The following COL19A1 variants were observed in gnomAD, a reference collection of about 807,000 sequenced individuals.
COL19A1 encodes collagen alpha-1(XIX) chain.
COL19A1 carries 159 observed loss-of-function variants against 190.2 expected under a neutral mutation model. That is an observed-to-expected ratio of 0.84 (90% CI 0.73 to 0.95). The LOEUF (loss-of-function observed/expected upper bound fraction) is 0.95, where lower values mean the gene tolerates loss of function less well. Among genes scored for constraint, COL19A1 ranks in the 40% least tolerant of loss-of-function variants. The pLI is 0.00. For synonymous variants in COL19A1, 509 were observed against 458.9 expected (o/e 1.11, Z -1.39); for missense variants, 1,418 against 1,431.9 (o/e 0.99, Z 0.16).
intron 4 of COL19A1, among the ~76,000 whole-genome samples, chr6:69,916,220 G>A (rs1461021262): frequency 1.3e-5 from 2 of 152,170 alleles, no homozygotes; most frequent in Non-Finnish European, 2.9e-5. Context: ...ACAGGCGGGA[G>A]CCACCGCGCC....
chr6:70,207,360 GTTGCT>G lies in COL19A1; in HGVS notation c.*89_*93del. ...ACCGTCAAACCCTCATCATCTGTGG[GTTGCT>G]TTTTTTTTTTTTTTTTTTTTTTGGG... On this transcript the variant is annotated 3_prime_UTR_variant, in exon 51 of 51. Coordinates refer to ENST00000620364, the MANE Select transcript of COL19A1 (RefSeq NM_001858.6). The G allele has an allele frequency of 1.3e-6, 1 of 759,216 alleles. No homozygotes were observed. Among genetic ancestry groups the G allele is most frequent in the Admixed American group, 3.9e-5 (1 of 25,322 alleles). 47.0% of individuals were successfully genotyped at this position (759,216 alleles called of 1,614,324 possible).
At chr6:70,092,600 T>A (rs1293872391) in intron 15 of COL19A1, among the ~76,000 whole-genome samples, 1 of 152,066 alleles carries the variant, frequency 6.6e-6, no homozygotes, top group Non-Finnish European at 1.5e-5. Context: ...ATAAGGAAAA[T>A]TTTTCCATTT....
intron 1 of COL19A1, among the ~76,000 whole-genome samples, 191 bp from the exon 2 acceptor site, chr6:69,879,345 C>A (rs1768347355): frequency 6.6e-6 from 1 of 152,106 alleles, no homozygotes; most frequent in African/African-American, 2.4e-5. Context: ...ATCTGAAAAT[C>A]TTTTCAGAGC....
chr6:70,154,655 C>A (rs1304295334), intron 31 of COL19A1, among the ~76,000 whole-genome samples: 1 of 152,144 alleles, frequency 6.6e-6, no homozygotes, highest in African/African-American at 2.4e-5. Context: ...AGTCGAAGAG[C>A]AAGGAAGCCA....
chr6:69,891,616 G>A (rs778162709), intron 2 of COL19A1, among the ~76,000 whole-genome samples: 44 of 152,144 alleles, frequency 2.9e-4, no homozygotes, highest in Non-Finnish European at 5.0e-4. Context: ...AAGTCACAGC[G>A]ACCTTGGCAG....
chr6:69,910,041 T>A (rs1485045988), intron 4 of COL19A1, among the ~76,000 whole-genome samples: 3 of 152,100 alleles, frequency 2.0e-5, no homozygotes, highest in African/African-American at 7.2e-5. Flanking sequence ...ATTGGTATGA[T>A]CTTAAGTTTA....
At chr6:69,927,333 A>G (rs1258482874) in intron 4 of COL19A1, among the ~76,000 whole-genome samples, 2 of 152,228 alleles carry the variant, frequency 1.3e-5, no homozygotes, top group Non-Finnish European at 2.9e-5. Flanking sequence ...AATATAAAAT[A>G]TAAAGATGTG....
chr6:70,184,949 T>C (rs1766414195), intron 46 of COL19A1, 34 bp downstream of exon 46: 3 of 1,594,224 alleles, frequency 1.9e-6, no homozygotes, highest in Non-Finnish European at 2.6e-6. Context: ...GTTATTCAAG[T>C]CTGTCTGTTA....
At chr6:69,940,142 C>T (rs544318030) in intron 9 of COL19A1, among the ~76,000 whole-genome samples, 1 of 152,068 alleles carries the variant, frequency 6.6e-6, no homozygotes, top group East Asian at 1.9e-4. Flanking sequence ...GTTAAATCTA[C>T]TTTAAATTCT....
intron 15 of COL19A1, among the ~76,000 whole-genome samples, chr6:70,090,895 G>A (rs1044065012): frequency 3.3e-5 from 5 of 152,042 alleles, no homozygotes; most frequent in Admixed American, 3.3e-4. Context: ...TCTATTCCTT[G>A]AAGAATTTGT....
intron 4 of COL19A1, among the ~76,000 whole-genome samples, chr6:69,920,306 G>A (rs534432001): frequency 7.9e-5 from 12 of 152,186 alleles, no homozygotes; most frequent in Non-Finnish European, 1.8e-4. Context: ...TGATCCCCTG[G>A]TCACTTCCCC....
At chr6:70,053,175 T>C (rs1232795657) in intron 14 of COL19A1, among the ~76,000 whole-genome samples, 1 of 152,216 alleles carries the variant, frequency 6.6e-6, no homozygotes, top group Non-Finnish European at 1.5e-5. Flanking sequence ...TACTTACTAT[T>C]ATTTGCTTGT....
intron 49 of COL19A1, among the ~76,000 whole-genome samples, chr6:70,202,421 T>G (rs1319457555): frequency 1.3e-5 from 2 of 152,224 alleles, no homozygotes; most frequent in African/African-American, 4.8e-5. Context: ...CAAAAGTTGC[T>G]TATATTGGCA....
intron 4 of COL19A1, among the ~76,000 whole-genome samples, chr6:69,924,906 A>G (rs1342945593): frequency 6.6e-6 from 1 of 152,130 alleles, no homozygotes; most frequent in Non-Finnish European, 1.5e-5. Context: ...GTCTGTTCAC[A>G]TCCTTTGCCC....
intron 36 of COL19A1, among the ~76,000 whole-genome samples, chr6:70,165,021 A>G (rs1255452891): frequency 6.6e-6 from 1 of 152,222 alleles, no homozygotes; most frequent in Non-Finnish European, 1.5e-5. Context: ...AAATCCCTCA[A>G]AATTCTTGGA....
At chr6:70,078,988 T>C (rs1193403404) in intron 15 of COL19A1, among the ~76,000 whole-genome samples, 2 of 151,974 alleles carry the variant, frequency 1.3e-5, no homozygotes, top group African/African-American at 4.8e-5. Context: ...AATCTCTTAA[T>C]CCCAGGAGAC....
intron 4 of COL19A1, among the ~76,000 whole-genome samples, chr6:69,914,012 A>G (rs1398866474): frequency 2.6e-5 from 4 of 151,892 alleles, no homozygotes; most frequent in South Asian, 2.1e-4. Flanking sequence ...CTAACCTTCA[A>G]TGTATCCTCA....
chr6:69,986,309 T>C (rs2150070062), intron 11 of COL19A1, among the ~76,000 whole-genome samples: 1 of 150,084 alleles, frequency 6.7e-6, no homozygotes, highest in Non-Finnish European at 1.5e-5. Flanking sequence ...ATGTGAGGGA[T>C]TATATGTTTC....
At chr6:70,102,109 T>C (rs955401841) in intron 15 of COL19A1, 60 bp from the exon 16 acceptor site, 1 of 1,274,018 alleles carries the variant, frequency 7.8e-7, no homozygotes, top group Non-Finnish European at 1.1e-6. Flanking sequence ...TTTAATATTG[T>C]TTGATATTAA....
Sources: allele counts gnomAD v4.1 joint callset (sites outside exome capture counted in the v4.1 genomes callset), GRCh38; gene constraint gnomAD v4.1.1; transcripts MANE v1.5; gene names NCBI Gene and HGNC (gene_info 2026-07-23, HGNC 2026-07-21).